Variants in HACL1 observed in about 807,000 individuals in gnomAD.
The protein encoded by HACL1 is 2-hydroxyacyl-CoA lyase 1.
A neutral mutation model predicts 74.2 loss-of-function variants in HACL1; 64 were observed. The ratio of observed to expected loss-of-function variants is 0.86; its 90% CI spans 0.70 to 1.06. The LOEUF is 1.06. Among genes scored for constraint, HACL1 ranks in the 50% least tolerant of loss-of-function variants. The probability of loss-of-function intolerance (pLI) is 0.00; values close to 1 mark genes in which losing one functional copy is unlikely to be tolerated. For synonymous variants in HACL1, 230 were observed against 238.8 expected (o/e 0.96, Z 0.34); for missense variants, 728 against 719.7 (o/e 1.01, Z -0.13).
intron 9 of HACL1, among the ~76,000 whole-genome samples, chr3:15,576,598 A>T (rs1052101329): frequency 6.6e-6 from 1 of 152,154 alleles, no homozygotes; most frequent in African/African-American, 2.4e-5. Flanking sequence ...CTCTTATAAC[A>T]CATACAGTTG....
At chr3:15,577,507 T>C (rs1187166146) in intron 9 of HACL1, among the ~76,000 whole-genome samples, 1 of 151,422 alleles carries the variant, frequency 6.6e-6, no homozygotes, top group Non-Finnish European at 1.5e-5. Flanking sequence ...AAAAACACCT[T>C]AGGCCAGGCA....
intron 9 of HACL1, 47 bp from the exon 10 acceptor site, chr3:15,575,129 A>G (rs778692965): frequency 3.1e-6 from 3 of 975,088 alleles, no homozygotes; most frequent in East Asian, 4.9e-5. Flanking sequence ...TCTTATTTGA[A>G]TTATTCGAAA....
At chr3:15,561,256 CG>C (rs1273951801) in intron 16 of HACL1, among the ~76,000 whole-genome samples, 1 of 152,200 alleles carries the variant, frequency 6.6e-6, no homozygotes. Flanking sequence ...GAACTGTGCA[CG>C]GAAGTCTTTT....
At chr3:15,567,326 C>T (rs1296770511) in intron 14 of HACL1, among the ~76,000 whole-genome samples, 1 of 149,300 alleles carries the variant, frequency 6.7e-6, no homozygotes, top group Non-Finnish European at 1.5e-5. Flanking sequence ...TCTTCTGCTT[C>T]AGCCTCCCGA....
chr3:15,584,116 C>T (rs1005218568), intron 7 of HACL1, among the ~76,000 whole-genome samples: 3 of 152,056 alleles, frequency 2.0e-5, no homozygotes, highest in Admixed American at 6.5e-5. Context: ...AAAATTTAGA[C>T]ATATTGTCAA....
At chr3:15,588,663 G>C (rs1364895711) in intron 5 of HACL1, among the ~76,000 whole-genome samples, 1 of 152,144 alleles carries the variant, frequency 6.6e-6, no homozygotes, top group Non-Finnish European at 1.5e-5. Context: ...ACATATGTTT[G>C]GTCTCAAACA....
chr3:15,571,567 C>T, intron 12 of HACL1, 101 bp downstream of exon 12: 1 of 738,072 alleles, frequency 1.4e-6, no homozygotes, highest in Non-Finnish European at 2.4e-6. Flanking sequence ...CACAATTTTG[C>T]ACATCAAGGT....
intron 4 of HACL1, among the ~76,000 whole-genome samples, chr3:15,591,126 G>T (rs1301669448): frequency 1.3e-5 from 2 of 152,080 alleles, no homozygotes; most frequent in Non-Finnish European, 2.9e-5. Context: ...CTGGTGCTTT[G>T]AATTTTCTTC....
In HACL1 at chr3:15,560,907, G is replaced by T; in HGVS notation, c.1705-10C>A. 2 of 1,593,910 alleles carry T rather than the reference G, an allele frequency of 1.3e-6. No homozygotes were observed. Among genetic ancestry groups the T allele is most frequent in the Non-Finnish European group, 1.7e-6 (2 of 1,162,320 alleles). On this transcript the variant is annotated splice_polypyrimidine_tract_variant and intron_variant, in intron 16 of 16. Transcript: ENST00000321169. ...TCAGCCAATGAAAATCCTAGAAAAA[G>T]AAGACAACAAACATTCAGTCAAAAG...
At chr3:15,595,074 C>T (rs2064031631) in intron 3 of HACL1, among the ~76,000 whole-genome samples, 1 of 152,082 alleles carries the variant, frequency 6.6e-6, no homozygotes, top group South Asian at 2.1e-4. Context: ...TTCCACTGAG[C>T]CGAGATTGCA....
At chr3:15,590,383 C>A (rs546997210) in intron 4 of HACL1, among the ~76,000 whole-genome samples, 7 of 150,706 alleles carry the variant, frequency 4.6e-5, no homozygotes, top group African/African-American at 7.3e-5. Flanking sequence ...AAATATAACA[C>A]CTTAAAGTAG....
chr3:15,582,000 T>C (rs1186835231), intron 8 of HACL1, among the ~76,000 whole-genome samples: 1 of 152,238 alleles, frequency 6.6e-6, no homozygotes, highest in African/African-American at 2.4e-5. Context: ...AGCAGTTGTT[T>C]CCCAAAGTCA....
intron 8 of HACL1, among the ~76,000 whole-genome samples, chr3:15,582,364 A>G (rs1003111147): frequency 1.3e-5 from 2 of 152,220 alleles, no homozygotes; most frequent in Non-Finnish European, 2.9e-5. Context: ...CAGCTACTCT[A>G]AACAGTTACT....
intron 14 of HACL1, among the ~76,000 whole-genome samples, chr3:15,564,959 G>C (rs965549626): frequency 1.3e-5 from 2 of 152,160 alleles, no homozygotes; most frequent in Non-Finnish European, 2.9e-5. Flanking sequence ...AAGGTCAGGA[G>C]TTCAAGACAA....
In HACL1 at chr3:15,568,561, G is replaced by C. The variant is rs1177404003; in HGVS notation, c.1121C>G (p.Pro374Arg). ...SKELASKKSL[P>R]MNYYTVFYHV... ...GTAGAATACTGTGTAATAATTCATA[G>C]GCAGGGATTTTTTAGAAGCTAGTTC... is the stretch of plus-strand genomic sequence containing the variant. The change falls in exon 13 of 17, where the codon CCT (proline) becomes CGT (arginine). Residue 374 changes from proline to arginine, a missense_variant. Physicochemically the swap from Pro to Arg is moderately radical, Grantham distance 103. Transcript: ENST00000321169. 6.4e-7 allele frequency: 1 copy of C among 1,564,424 alleles called. No individual in the cohort carries two copies. Among genetic ancestry groups the C allele is most frequent in the Non-Finnish European group, 8.7e-7 (1 of 1,146,136 alleles).
At chr3:15,572,769 A>G (rs2063558434) in intron 11 of HACL1, among the ~76,000 whole-genome samples, 1 of 152,268 alleles carries the variant, frequency 6.6e-6, no homozygotes, top group South Asian at 2.1e-4. Flanking sequence ...TTTTTTACCT[A>G]AAGAAATACT....
chr3:15,568,986 C>T (rs1432649023), intron 12 of HACL1, among the ~76,000 whole-genome samples: 1 of 152,188 alleles, frequency 6.6e-6, no homozygotes. Flanking sequence ...AGAATATTTT[C>T]ATCTGAACTA....
At chr3:15,592,513 CTT>C (rs1160702738) in intron 3 of HACL1, among the ~76,000 whole-genome samples, 3 of 148,586 alleles carry the variant, frequency 2.0e-5, no homozygotes, top group African/African-American at 5.1e-5. Context: ...TGTATATACA[CTT>C]GTATACATAT....
chr3:15,575,109 T>G, intron 9 of HACL1, 27 bp from the exon 10 acceptor site: 1 of 1,064,714 alleles, frequency 9.4e-7, no homozygotes, highest in South Asian at 1.3e-5. Flanking sequence ...TATGAAAGTA[T>G]AACTACATTT....
Sources: allele counts gnomAD v4.1 joint callset (sites outside exome capture counted in the v4.1 genomes callset), GRCh38; gene constraint gnomAD v4.1.1; transcripts MANE v1.5; gene names NCBI Gene and HGNC (gene_info 2026-07-23, HGNC 2026-07-21).